TRABD2A: variants seen among roughly 807,000 people sequenced by gnomAD.
The protein encoded by TRABD2A is metalloprotease TIKI1.
In TRABD2A, 43 loss-of-function variants were observed where a neutral mutation model predicts 45.6. That is an observed-to-expected ratio of 0.94 (90% confidence interval 0.74 to 1.22). TRABD2A has a LOEUF of 1.22. TRABD2A is among the 50% of genes most tolerant of loss of function. TRABD2A has a pLI of 0.00. For missense variants in TRABD2A, 642 were observed against 652.4 expected, an observed-to-expected ratio of 0.98 and a Z score of 0.17; for synonymous variants, 269 against 265.0, an observed-to-expected ratio of 1.02 and a Z score of -0.15.
In TRABD2A at chr2:84,830,762, C is replaced by T. The variant is rs573402884; in HGVS notation, c.1082+1293G>A. Among the ~76,000 whole-genome samples the T allele has an allele frequency of 1.3e-4, 20 of 152,122 alleles. No individual in the cohort carries two copies. The highest frequency in any genetic ancestry group is 2.1e-4 in the South Asian group (1 of 4,820). ...AGTCCAGGATGTATCCAGGATTTCC[C>T]GCCTGAAGGGAGACTGGCAGGAGCC... On this transcript the variant is annotated intron_variant, in intron 5 of 6. Transcript: ENST00000409520. This position sits in a 1 kb window ranked among gnomAD's most constrained non-coding sequence, Gnocchi z 4.9.
chr2:84,841,842 A>C lies in TRABD2A; in HGVS notation c.816+19T>G. The C allele has an allele frequency of 6.7e-7, 1 of 1,499,632 alleles. No individual in the cohort carries two copies. Among genetic ancestry groups the C allele is most frequent in the Non-Finnish European group, 8.9e-7 (1 of 1,126,224 alleles). The allele number at this position is 1,499,632 out of a possible 1,614,324, so 92.9% of individuals were successfully genotyped here. A position where few individuals can be genotyped will look rare whatever the true frequency, so the allele number is the denominator to read the frequency against. ...TAATTAAATGTGTGCTGAGCTTGGCAGGGGGAAAGGGTGCTCACCTGGGAG... is the reference window on the plus strand; with the variant it reads ...TAATTAAATGTGTGCTGAGCTTGGCCGGGGGAAAGGGTGCTCACCTGGGAG... On this transcript the variant is annotated intron_variant, in intron 3 of 6. Transcript: ENST00000409520.
At chr2:84,866,407 G>A (rs377521788) in intron 2 of TRABD2A, among the ~76,000 whole-genome samples, 3 of 152,036 alleles carry the variant, frequency 2.0e-5, no homozygotes, top group East Asian at 1.9e-4. Flanking sequence ...ACTGCAAGTC[G>A]GATTCAGCCC....
At chr2:84,828,203 A>G (rs1240698275) in intron 5 of TRABD2A, among the ~76,000 whole-genome samples, 1 of 152,174 alleles carries the variant, frequency 6.6e-6, no homozygotes, top group East Asian at 1.9e-4. Context: ...GCCTGCTGAC[A>G]GGTGGAGAGT....
intron 1 of TRABD2A, chr2:84,874,953 T>G (rs11689791): frequency 0.043 from 7,048 of 165,092 alleles, 185 homozygotes; most frequent in South Asian, 0.085. Flanking sequence ...AACAGATGCA[T>G]CACCAATCTT....
At chr2:84,822,372 C>A (rs1236633900) in intron 6 of TRABD2A, among the ~76,000 whole-genome samples, 1 of 152,172 alleles carries the variant, frequency 6.6e-6, no homozygotes, top group African/African-American at 2.4e-5. Context: ...TAGTGAAAGT[C>A]TTCGTATAAG....
At chr2:84,857,145 C>T (rs961737746) in intron 2 of TRABD2A, among the ~76,000 whole-genome samples, 1 of 152,196 alleles carries the variant, frequency 6.6e-6, no homozygotes, top group South Asian at 2.1e-4. Context: ...GTTGAAGCCA[C>T]CTAGGCTGTG....
intron 1 of TRABD2A, among the ~76,000 whole-genome samples, chr2:84,880,625 TC>T (rs907273242): frequency 1.4e-4 from 22 of 152,200 alleles, no homozygotes; most frequent in Admixed American, 6.5e-5. Context: ...CCCTGGCGGA[TC>T]CGTCCCCCGA....
chr2:84,873,514 A>T (rs978038947), intron 1 of TRABD2A, among the ~76,000 whole-genome samples: 2 of 152,216 alleles, frequency 1.3e-5, no homozygotes, highest in African/African-American at 4.8e-5. Flanking sequence ...GCATCCTCTT[A>T]TGCAGTAATA....
intron 4 of TRABD2A, chr2:84,832,812 A>G (rs912072875): frequency 5.3e-5 from 8 of 150,226 alleles, no homozygotes; most frequent in African/African-American, 2.0e-4. Context: ...TTAAAAAAAA[A>G]AGGAGGGGGG....
At chr2:84,879,735 T>C in intron 1 of TRABD2A, 1 of 371,046 alleles carries the variant, frequency 2.7e-6, no homozygotes, top group Non-Finnish European at 3.7e-6. Flanking sequence ...TGGTGCAGAC[T>C]CCCCTCTCCA....
chr2:84,850,678 G>C (rs1349080702), intron 2 of TRABD2A: 1 of 152,196 alleles, frequency 6.6e-6, no homozygotes, highest in Non-Finnish European at 1.5e-5. Context: ...TGTATTACCA[G>C]CTCCTGATGG....
At chr2:84,840,965 C>T (rs949562096) in intron 3 of TRABD2A, among the ~76,000 whole-genome samples, 3 of 152,158 alleles carry the variant, frequency 2.0e-5, no homozygotes, top group African/African-American at 4.8e-5. Flanking sequence ...TCCTTCAGCT[C>T]TCATGTTCAC....
Position 84,824,080 on chromosome 2 carries a change from C to T in TRABD2A, c.1207G>A (p.Val403Met), listed in dbSNP as rs764402682. The T allele has an allele frequency of 6.2e-7, 1 of 1,613,824 alleles. No individual in the cohort carries two copies. Among genetic ancestry groups the T allele is most frequent in the South Asian group, 1.1e-5 (1 of 91,054 alleles). ...GTGTCGGCACTTCCAGGCCGGGACA[C>T]AAGGGGAGGCAGCGTTGAGTGCCCT... ...SSGHSTLPPLVSRPGSADTPS... is the reference protein window; with the variant it reads ...SSGHSTLPPLMSRPGSADTPS... Residue 403 changes from valine (V) to methionine (M), a missense_variant, in exon 6 of 7, where the codon GTG (valine) becomes ATG (methionine). Coordinates refer to ENST00000409520, the MANE Select transcript of TRABD2A (RefSeq NM_001277053.2).
intron 2 of TRABD2A, among the ~76,000 whole-genome samples, chr2:84,849,710 C>T (rs1042514973): frequency 3.3e-5 from 5 of 152,170 alleles, no homozygotes; most frequent in Non-Finnish European, 7.3e-5. Context: ...AATGAATACC[C>T]GACATGTCCA....
intron 3 of TRABD2A, among the ~76,000 whole-genome samples, chr2:84,841,315 G>A (rs1312393965): frequency 6.6e-6 from 1 of 152,176 alleles, no homozygotes; most frequent in Non-Finnish European, 1.5e-5. Flanking sequence ...GGTAAGGCCT[G>A]AGCTGGGCAA....
chr2:84,859,248 G>T (rs1212166706), intron 2 of TRABD2A, among the ~76,000 whole-genome samples: 1 of 152,222 alleles, frequency 6.6e-6, no homozygotes, highest in Admixed American at 6.5e-5. Flanking sequence ...AGCCAGCAAA[G>T]AGTAAATGCT....
intron 5 of TRABD2A, among the ~76,000 whole-genome samples, chr2:84,829,600 C>T (rs1191730717): frequency 1.4e-5 from 2 of 138,766 alleles, no homozygotes; most frequent in East Asian, 2.0e-4. Flanking sequence ...ACACAACACA[C>T]GTACCACACA....
intron 5 of TRABD2A, among the ~76,000 whole-genome samples, chr2:84,825,200 T>C (rs1341618272): frequency 2.0e-5 from 3 of 152,142 alleles, no homozygotes. Flanking sequence ...CGTCCAATGA[T>C]GTAGGTGCCA....
chr2:84,827,435 T>A (rs1324221866), intron 5 of TRABD2A, among the ~76,000 whole-genome samples: 1 of 152,218 alleles, frequency 6.6e-6, no homozygotes, highest in East Asian at 1.9e-4. Context: ...AAGCACCATG[T>A]TTCACACAGT....
Sources: gnomAD v4.1 joint callset for allele counts (sites outside exome capture counted in the v4.1 genomes callset) on GRCh38, gnomAD v4.1.1 for gene constraint, Gnocchi (gnomAD v3.1) non-coding constraint, MANE v1.5 for transcripts, NCBI Gene and HGNC (gene_info 2026-07-23, HGNC 2026-07-21) for gene names.